Variants in PTPRD observed in about 807,000 individuals in gnomAD.
PTPRD encodes receptor-type tyrosine-protein phosphatase delta.
PTPRD carries 34 observed loss-of-function variants against 214.5 expected under a neutral mutation model. The observed-to-expected ratio is 0.16, with a 90% CI of 0.12 to 0.21. The LOEUF (loss-of-function observed/expected upper bound fraction) is 0.21. Among genes scored for constraint, PTPRD ranks in the 10% least tolerant of loss-of-function variants. PTPRD has a pLI of 1.00. For missense variants in PTPRD, 2,545 were observed against 2,398.7 expected, an observed-to-expected ratio of 1.06 and a Z score of -1.27; for synonymous variants, 1,128 against 845.7, an observed-to-expected ratio of 1.33 and a Z score of -5.79.
rs531811828 is a variant in PTPRD at position 9,568,293 on chromosome 9, G to C, written c.-237+6439C>G. On this transcript the variant is annotated intron_variant, in intron 8 of 45. Transcript: ENST00000381196. ...TGCACATCCTTCTTGTTTTGTAGTA[G>C]AACACATGGAAGACTTGAGAAAATA... 2.0e-5 allele frequency among the ~76,000 whole-genome samples: 3 copies of C among 151,926 alleles called. No homozygotes were observed. The East Asian group carries it at 5.8e-4, about 29-fold the overall frequency.
At chr9:8,330,678 G>C (rs1839490975) in intron 44 of PTPRD, among the ~76,000 whole-genome samples, 1 of 149,458 alleles carries the variant, frequency 6.7e-6, no homozygotes, top group Non-Finnish European at 1.5e-5. Context: ...GAAGTCCAGA[G>C]AAACTTCATT....
intron 3 of PTPRD, among the ~76,000 whole-genome samples, chr9:10,214,029 A>G (rs2099529245): frequency 6.6e-6 from 1 of 152,080 alleles, no homozygotes; most frequent in Non-Finnish European, 1.5e-5. Context: ...GTAAAGGCAT[A>G]TCTTCATCAA....
At chr9:9,985,916 A>C (rs137963345) in intron 4 of PTPRD, among the ~76,000 whole-genome samples, 44 of 152,254 alleles carry the variant, frequency 2.9e-4, no homozygotes, top group African/African-American at 9.1e-4. Context: ...ATGAAAACTA[A>C]TGTATAGGTA....
intron 12 of PTPRD, among the ~76,000 whole-genome samples, chr9:8,681,564 T>C (rs1596817710): frequency 2.6e-5 from 4 of 152,240 alleles, no homozygotes; most frequent in Admixed American, 2.6e-4. Flanking sequence ...CCCATCTCCA[T>C]ACACACACGT....
chr9:10,147,139 A>T (rs1189419750), intron 3 of PTPRD, among the ~76,000 whole-genome samples: 1 of 152,150 alleles, frequency 6.6e-6, no homozygotes, highest in Non-Finnish European at 1.5e-5. Flanking sequence ...TTATATGGAG[A>T]TGAACCCTTT....
Position 10,399,209 on chromosome 9 carries a change from G to A in PTPRD, c.-599-58192C>T, listed in dbSNP as rs144395085. Among the ~76,000 whole-genome samples the A allele has an allele frequency of 3.5e-3, 531 of 152,082 alleles. 5 individuals are homozygous for A. The highest frequency in any genetic ancestry group is 0.012 in the African/African-American group (513 of 41,540). ...GAAAGATTCCTAGATTTGTAAATTAGAGAAGGATTGCAAAGATGAGACAAC... is the reference window on the plus strand; with the variant it reads ...GAAAGATTCCTAGATTTGTAAATTAAAGAAGGATTGCAAAGATGAGACAAC... On this transcript the variant is annotated intron_variant, in intron 2 of 45. Transcript: ENST00000381196.
At chr9:8,406,312 C>T (rs928616658) in intron 35 of PTPRD, among the ~76,000 whole-genome samples, 3 of 152,206 alleles carry the variant, frequency 2.0e-5, no homozygotes, top group Non-Finnish European at 4.4e-5. Flanking sequence ...AGAACAGCTC[C>T]ACTCAGTGAT....
At chr9:8,936,492 T>C (rs1588416625) in intron 11 of PTPRD, among the ~76,000 whole-genome samples, 1 of 128,736 alleles carries the variant, frequency 7.8e-6, no homozygotes, top group Non-Finnish European at 1.7e-5. Flanking sequence ...AGCTACCCAA[T>C]CCTTATTGTG....
Position 8,410,211 on chromosome 9 carries a change from A to C in PTPRD, c.4087-5551T>G, listed in dbSNP as rs530075296. On this transcript the variant is annotated intron_variant, in intron 35 of 45. Coordinates refer to ENST00000381196, the MANE Select transcript of PTPRD (RefSeq NM_002839.4). ...CAATTAGTAAAAGCCTGCAATTGGC[A>C]TAATGAATACTTTCTTCAAAGAGAA... Among the ~76,000 whole-genome samples the C allele has an allele frequency of 3.9e-5, 6 of 152,364 alleles. No homozygotes were observed. The South Asian group carries it at 1.2e-3, about 32-fold the overall frequency.
chr9:9,900,883 C>A (rs1025365890), intron 5 of PTPRD, among the ~76,000 whole-genome samples: 3 of 152,210 alleles, frequency 2.0e-5, no homozygotes, highest in Admixed American at 6.5e-5. Flanking sequence ...GATCCGCCCA[C>A]ATTGACCTCC....
chr9:10,229,477 A>G (rs866975530), intron 3 of PTPRD, among the ~76,000 whole-genome samples: 1 of 152,110 alleles, frequency 6.6e-6, no homozygotes, highest in African/African-American at 2.4e-5. Context: ...GATAGACTGG[A>G]TTAAGAAAAT....
At chr9:10,469,841 GA>G (rs1488879232) in intron 2 of PTPRD, among the ~76,000 whole-genome samples, 1 of 151,710 alleles carries the variant, frequency 6.6e-6, no homozygotes, top group East Asian at 1.9e-4. Context: ...CTAAAATCCT[GA>G]CATTTGTAGC....
intron 3 of PTPRD, among the ~76,000 whole-genome samples, chr9:10,293,289 C>A (rs2095581768): frequency 1.3e-5 from 2 of 151,838 alleles, no homozygotes; most frequent in Non-Finnish European, 2.9e-5. Context: ...ACTTCATTAT[C>A]TTGTAAATAA....
At chr9:9,534,704 T>C (rs574902963) in intron 8 of PTPRD, among the ~76,000 whole-genome samples, 4 of 152,180 alleles carry the variant, frequency 2.6e-5, no homozygotes, top group African/African-American at 9.6e-5. Flanking sequence ...CTAATGCCAG[T>C]TCATAAATAG....
chr9:8,430,287 T>C (rs1317672140), intron 35 of PTPRD, among the ~76,000 whole-genome samples: 1 of 152,040 alleles, frequency 6.6e-6, no homozygotes, highest in Non-Finnish European at 1.5e-5. Flanking sequence ...TTACTTTTTT[T>C]CAGACAGGGT....
intron 8 of PTPRD, among the ~76,000 whole-genome samples, chr9:9,488,673 G>T (rs1000452773): frequency 6.6e-6 from 1 of 152,200 alleles, no homozygotes; most frequent in East Asian, 1.9e-4. Context: ...TGCACTTGCA[G>T]AGTATATCTG....
intron 11 of PTPRD, among the ~76,000 whole-genome samples, chr9:8,737,680 ACT>A (rs2090801386): frequency 1.3e-5 from 2 of 151,952 alleles, no homozygotes. Flanking sequence ...ACAGAGTCTC[ACT>A]CTCTGTCAAG....
intron 3 of PTPRD, among the ~76,000 whole-genome samples, chr9:10,316,188 T>TAGATATAC (rs2096424667): frequency 2.8e-5 from 4 of 141,608 alleles, no homozygotes; most frequent in African/African-American, 1.1e-4. Flanking sequence ...TAGATATACA[T>TAGATATAC]ATATATAGAC....
chr9:8,496,635 C>A (rs1395386905), intron 26 of PTPRD, among the ~76,000 whole-genome samples: 1 of 152,196 alleles, frequency 6.6e-6, no homozygotes, highest in East Asian at 1.9e-4. Context: ...AGAACAGCCA[C>A]TTCTAGTTAG....
Sources: allele counts gnomAD v4.1 joint callset (sites outside exome capture counted in the v4.1 genomes callset), GRCh38; gene constraint gnomAD v4.1.1; transcripts MANE v1.5; gene names NCBI Gene and HGNC (gene_info 2026-07-23, HGNC 2026-07-21).